Variants in LRIG1 observed in about 807,000 individuals in gnomAD.
LRIG1 encodes the protein leucine rich repeats and immunoglobulin like domains 1.
Under a neutral mutation model 99.2 loss-of-function variants are expected in LRIG1, and 48 were observed. The observed-to-expected ratio is 0.48, with a 90% confidence interval of 0.38 to 0.62. LRIG1 has a LOEUF of 0.62. LRIG1 is among the 20% of genes least tolerant of loss of function. The pLI is 0.00. For synonymous variants in LRIG1, 772 were observed against 596.1 expected (o/e 1.29, Z -4.30); for missense variants, 1,646 against 1,434.4 (o/e 1.15, Z -2.38).
chr3:66,426,928 T>C (rs560372100), intron 3 of LRIG1, among the ~76,000 whole-genome samples: 1 of 152,320 alleles, frequency 6.6e-6, no homozygotes, highest in East Asian at 1.9e-4. Context: ...CTCACCGAAA[T>C]GGCAAATCTA....
intron 17 of LRIG1, 196 bp from the exon 18 acceptor site, chr3:66,381,057 G>A: frequency 1.6e-6 from 1 of 612,966 alleles, no homozygotes; most frequent in Non-Finnish European, 2.9e-6. Flanking sequence ...TGAACTGTGG[G>A]GTCTTTCGTG....
intron 1 of LRIG1, among the ~76,000 whole-genome samples, chr3:66,471,020 G>A (rs1477561979): frequency 6.6e-6 from 1 of 152,100 alleles, no homozygotes; most frequent in African/African-American, 2.4e-5. Flanking sequence ...TTAAGAAGAG[G>A]CGCTCCAACA....
At chr3:66,474,833 G>A (rs1052747911) in intron 1 of LRIG1, among the ~76,000 whole-genome samples, 1 of 152,148 alleles carries the variant, frequency 6.6e-6, no homozygotes, top group Admixed American at 6.5e-5. Context: ...GGTACCTGTG[G>A]AATATGAGTT....
intron 1 of LRIG1, among the ~76,000 whole-genome samples, chr3:66,474,640 C>A (rs890681964): frequency 6.6e-6 from 1 of 152,182 alleles, no homozygotes; most frequent in African/African-American, 2.4e-5. Context: ...GCCACAGCAC[C>A]CGGCCCCATC....
intron 12 of LRIG1, chr3:66,387,791 C>G (rs1440888164): frequency 1.3e-5 from 2 of 151,538 alleles, no homozygotes; most frequent in Non-Finnish European, 2.9e-5. Flanking sequence ...GAAACCATGT[C>G]TTAAAAAAAA....
intron 6 of LRIG1, among the ~76,000 whole-genome samples, chr3:66,411,317 G>A (rs1286130235): frequency 6.6e-6 from 1 of 152,206 alleles, no homozygotes; most frequent in Non-Finnish European, 1.5e-5. Flanking sequence ...TGCTCAAAAG[G>A]TAAGCACTTA....
chr3:66,465,771 G>A (rs1700460591), intron 1 of LRIG1, among the ~76,000 whole-genome samples: 1 of 152,048 alleles, frequency 6.6e-6, no homozygotes, highest in South Asian at 2.1e-4. Context: ...TCACACTGTT[G>A]TGCAACCATC....
intron 3 of LRIG1, among the ~76,000 whole-genome samples, chr3:66,447,053 T>C (rs1170082632): frequency 2.0e-5 from 3 of 152,112 alleles, no homozygotes; most frequent in South Asian, 2.1e-4. Context: ...GGTGAGTTAA[T>C]GGTAAGTTCA....
chr3:66,413,478 C>T (rs1347789506), intron 5 of LRIG1, among the ~76,000 whole-genome samples: 2 of 152,236 alleles, frequency 1.3e-5, no homozygotes, highest in African/African-American at 4.8e-5. Context: ...ATGGCAATAA[C>T]ACTTTCCACT....
At chr3:66,383,630 AT>A (rs772677266) in intron 14 of LRIG1, among the ~76,000 whole-genome samples, 1 of 152,152 alleles carries the variant, frequency 6.6e-6, no homozygotes, top group Non-Finnish European at 1.5e-5. Flanking sequence ...AGCCCCTGCT[AT>A]TCCCTAACTG....
At chr3:66,429,978 C>T (rs1345739889) in intron 3 of LRIG1, among the ~76,000 whole-genome samples, 2 of 152,200 alleles carry the variant, frequency 1.3e-5, no homozygotes, top group African/African-American at 4.8e-5. Flanking sequence ...AGAATATAAA[C>T]CGCACACCGG....
chr3:66,488,471 AAAC>A (rs1179957037), intron 1 of LRIG1, among the ~76,000 whole-genome samples: 7 of 145,356 alleles, frequency 4.8e-5, no homozygotes, highest in Admixed American at 1.4e-4. Flanking sequence ...TACTAAAAAA[AAAC>A]AAAAAAAAAA....
chr3:66,406,045 A>G, intron 8 of LRIG1: 1 of 987,156 alleles, frequency 1.0e-6, no homozygotes, highest in Non-Finnish European at 1.2e-6. Flanking sequence ...TTGGTTCTTA[A>G]ATTTTCCCCC....
At chr3:66,382,012 A>G (rs1701104192) in intron 16 of LRIG1, among the ~76,000 whole-genome samples, 1 of 152,032 alleles carries the variant, frequency 6.6e-6, no homozygotes, top group South Asian at 2.1e-4. Flanking sequence ...TCCAGCTGCT[A>G]CTCCAGGCAA....
chr3:66,492,716 C>G (rs774083643), intron 1 of LRIG1, among the ~76,000 whole-genome samples: 1 of 141,164 alleles, frequency 7.1e-6, no homozygotes, highest in Non-Finnish European at 1.5e-5. Flanking sequence ...GAACCTGCAT[C>G]CTGGTTCATA....
intron 5 of LRIG1, among the ~76,000 whole-genome samples, chr3:66,413,903 T>G (rs187465486): frequency 1.4e-4 from 21 of 152,174 alleles, no homozygotes; most frequent in African/African-American, 3.6e-4. Context: ...TTTGTTTTGT[T>G]GAAACAAAAT....
chr3:66,389,772 G>C (rs1470989747), intron 12 of LRIG1, among the ~76,000 whole-genome samples: 1 of 152,116 alleles, frequency 6.6e-6, no homozygotes, highest in Non-Finnish European at 1.5e-5. Context: ...AGAAGATCAA[G>C]GAAACAGAAG....
chr3:66,427,563 C>A (rs531606862), intron 3 of LRIG1, among the ~76,000 whole-genome samples: 176 of 152,288 alleles, frequency 1.2e-3, no homozygotes, highest in African/African-American at 4.0e-3. Flanking sequence ...ACTTTGGGAG[C>A]CAACAGTAGA....
chr3:66,459,678 C>T (rs1700313051), intron 2 of LRIG1, among the ~76,000 whole-genome samples: 1 of 152,154 alleles, frequency 6.6e-6, no homozygotes, highest in Non-Finnish European at 1.5e-5. Flanking sequence ...CTTCCCTCAA[C>T]TTAATGTAAA....
Sources: allele counts gnomAD v4.1 joint callset (sites outside exome capture counted in the v4.1 genomes callset), GRCh38; gene constraint gnomAD v4.1.1; transcripts MANE v1.5; gene names NCBI Gene and HGNC (gene_info 2026-07-23, HGNC 2026-07-21).